NBPF3: variants seen among roughly 807,000 people sequenced by gnomAD.
NBPF3 encodes NBPF family member NBPF3.
In NBPF3, 57 loss-of-function variants were observed where a neutral mutation model predicts 78.1. The observed-to-expected ratio is 0.73, with a 90% CI of 0.59 to 0.91. The LOEUF (loss-of-function observed/expected upper bound fraction) is 0.91, where lower values mean the gene tolerates loss of function less well. NBPF3 is among the 40% of genes least tolerant of loss of function. The probability of loss-of-function intolerance (pLI) is 0.00; values close to 1 mark genes in which losing one functional copy is unlikely to be tolerated. For missense variants in NBPF3, 510 were observed against 715.3 expected (o/e 0.71, Z 3.27); for synonymous variants, 182 against 271.7 (o/e 0.67, Z 3.25).
At chr1:21,478,332 T>C (rs1642996085) in intron 9 of NBPF3, 25 bp downstream of exon 9, 1 of 1,609,428 alleles carries the variant, frequency 6.2e-7, no homozygotes, top group Non-Finnish European at 8.5e-7. Context: ...TTGAAGGTGA[T>C]AAAGCTCCAG....
chr1:21,471,845 C>A, intron 5 of NBPF3, 62 bp downstream of exon 5: 1 of 1,579,232 alleles, frequency 6.3e-7, no homozygotes, highest in Non-Finnish European at 8.7e-7. Context: ...TTCAGACCTC[C>A]ATACTTTCAC....
chr1:21,465,752 C>T (rs1435129513), intron 2 of NBPF3, among the ~76,000 whole-genome samples: 1 of 152,200 alleles, frequency 6.6e-6, no homozygotes, highest in East Asian at 1.9e-4. Context: ...GCCAATCTTT[C>T]CTAAGCTGCT....
In NBPF3 at chr1:21,468,342, G is replaced by A. The variant is rs1443394668; in HGVS notation, c.134-346G>A. On this transcript the variant is annotated intron_variant, in intron 2 of 14. Transcript: ENST00000318249. The stretch of plus-strand genomic sequence containing the variant: ...ATTGGTGGTGACCCTCAGGTGAGAC[G>A]AGGGTGCCTGTGTTTCAGCAAAGCC... 56 of 1,175,568 alleles carry A rather than the reference G, an allele frequency of 4.8e-5. 2 individuals are homozygous for A. In the East Asian group the frequency reaches 2.2e-3, roughly 47 times the overall value. 72.8% of individuals were successfully genotyped at this position (1,175,568 alleles called of 1,614,324 possible).
intron 2 of NBPF3, chr1:21,468,330 C>T (rs1217122551): frequency 8.2e-6 from 9 of 1,097,858 alleles, no homozygotes; most frequent in Non-Finnish European, 9.2e-6. Flanking sequence ...GGTGGTGACC[C>T]TCAGGTGAGA....
chr1:21,457,384 A>ATATATATGTATGTG (rs1324267919), intron 2 of NBPF3, among the ~76,000 whole-genome samples: 1 of 149,734 alleles, frequency 6.7e-6, no homozygotes, highest in Non-Finnish European at 1.5e-5. Context: ...ATATGTATGT[A>ATATATATGTATGTG]TATATATGTA....
rs1006738685 is a variant in NBPF3 at position 21,476,626 on chromosome 1, G to C, written c.993-1518G>C. On this transcript the variant is annotated intron_variant, in intron 8 of 14. Coordinates refer to ENST00000318249, the MANE Select transcript of NBPF3 (RefSeq NM_032264.6). The surrounding 1 kb of genome is among the most constrained non-coding windows in gnomAD (Gnocchi z 4.1). ...GGCCTCCACTCTCTTCTGGCTTGTA[G>C]GGTTTCTGCAGAGAGATCCACTGTT... Among the ~76,000 whole-genome samples, 2 of 152,192 alleles carry C rather than the reference G, an allele frequency of 1.3e-5. No homozygotes were observed. Among genetic ancestry groups the C allele is most frequent in the Non-Finnish European group, 2.9e-5 (2 of 68,026 alleles).
Position 21,483,109 on chromosome 1 carries a change from C to G in NBPF3, c.1659-34C>G, listed in dbSNP as rs375027727. The G allele has an allele frequency of 4.3e-6, 7 of 1,612,300 alleles. No homozygotes were observed. In the African/African-American group the frequency reaches 9.4e-5, roughly 22 times the overall value. Reference sequence around the variant, plus strand: ...GGGGCTCTGTGGTGTCTGATTTTCCCTGGCTGCTTCTTTAGTTTTGTCTCC... The same window carrying G: ...GGGGCTCTGTGGTGTCTGATTTTCCGTGGCTGCTTCTTTAGTTTTGTCTCC... On this transcript the variant is annotated intron_variant, in intron 14 of 14. Transcript: ENST00000318249.
intron 10 of NBPF3, 139 bp from the exon 11 acceptor site, chr1:21,479,912 A>G: frequency 1.4e-6 from 1 of 706,888 alleles, no homozygotes; most frequent in South Asian, 1.5e-5. Flanking sequence ...CCCAACATGA[A>G]GGCAATAATT....
At chr1:21,481,551 T>C in intron 12 of NBPF3, 46 bp from the exon 13 acceptor site, 1 of 1,596,324 alleles carries the variant, frequency 6.3e-7, no homozygotes, top group South Asian at 1.1e-5. Context: ...GGCTCTGTGG[T>C]GTCTGATTTC....
intron 1 of NBPF3, among the ~76,000 whole-genome samples, chr1:21,443,615 A>T (rs1456448300): frequency 6.8e-6 from 1 of 147,180 alleles, no homozygotes; most frequent in Non-Finnish European, 1.5e-5. Flanking sequence ...ACATAGAATA[A>T]TTTTTTTTTT....
chr1:21,479,327 C>T lies in NBPF3; in HGVS notation c.1157-22C>T, dbSNP rs769100673. 78 of 1,608,806 alleles carry T rather than the reference C, an allele frequency of 4.8e-5. 1 individual carries two copies. The Admixed American group carries it at 1.3e-3, about 26-fold the overall frequency. Reference sequence around the variant, plus strand: ...AGGAAGAACTGCTTCATGTAAGAGGCCCTGTCTGAATTTATTTGCAGGACA... The same window carrying T: ...AGGAAGAACTGCTTCATGTAAGAGGTCCTGTCTGAATTTATTTGCAGGACA... On this transcript the variant is annotated intron_variant, in intron 9 of 14. Transcript: ENST00000318249.
intron 2 of NBPF3, among the ~76,000 whole-genome samples, chr1:21,455,702 G>A (rs1350819623): frequency 6.6e-6 from 1 of 152,176 alleles, no homozygotes; most frequent in Admixed American, 6.5e-5. Flanking sequence ...TGCAGGGCAG[G>A]GCACCAATGA....
chr1:21,468,472 T>C, intron 2 of NBPF3: 1 of 1,430,736 alleles, frequency 7.0e-7, no homozygotes, highest in Non-Finnish European at 9.1e-7. Flanking sequence ...CTCACTCTTG[T>C]CGGAGACTGA....
intron 2 of NBPF3, chr1:21,468,444 G>A (rs1189790084): frequency 3.4e-5 from 48 of 1,395,136 alleles, no homozygotes; most frequent in East Asian, 1.1e-4. Context: ...ACTGCAGACC[G>A]TTACCTGGCA....
At chr1:21,468,549 T>A (rs1642403113) in intron 2 of NBPF3, 139 bp from the exon 3 acceptor site, 3 of 1,534,952 alleles carry the variant, frequency 2.0e-6, no homozygotes, top group Non-Finnish European at 2.6e-6. Context: ...TTAAGGATCC[T>A]AAAGTGCTGC....
rs188792635 is a variant in NBPF3, at chr1:21,475,771, G to A, written c.992+820G>A. On this transcript the variant is annotated intron_variant, in intron 8 of 14. Transcript: ENST00000318249. ...TCTGTTGGTTTGGGGTGGAGAGTTC[G>A]TAGATGTCTATTAGGTCTGCTTGGT... 1.1e-3 allele frequency among the ~76,000 whole-genome samples: 165 copies of A among 152,232 alleles called. No homozygotes were observed. In the Middle Eastern group the frequency reaches 0.02, roughly 19 times the overall value.
chr1:21,448,631 C>T (rs1390669556), intron 2 of NBPF3, among the ~76,000 whole-genome samples: 2 of 152,170 alleles, frequency 1.3e-5, no homozygotes, highest in African/African-American at 4.8e-5. Context: ...TGTAGTAAAA[C>T]TTGGAAACGT....
intron 3 of NBPF3, among the ~76,000 whole-genome samples, chr1:21,470,022 A>ACG (rs896940912): frequency 2.9e-5 from 2 of 69,146 alleles, no homozygotes; most frequent in Non-Finnish European, 7.4e-5. Context: ...CACAGAGTTA[A>ACG]CACTCTGTTA....
At chr1:21,456,903 T>C (rs1641634401) in intron 2 of NBPF3, among the ~76,000 whole-genome samples, 2 of 152,202 alleles carry the variant, frequency 1.3e-5, no homozygotes, top group Non-Finnish European at 2.9e-5. Flanking sequence ...ATTGAAAAGA[T>C]TGAAAAGAAA....
Sources: gnomAD v4.1 joint callset for allele counts (sites outside exome capture counted in the v4.1 genomes callset) on GRCh38, gnomAD v4.1.1 for gene constraint, Gnocchi (gnomAD v3.1) non-coding constraint, MANE v1.5 for transcripts, NCBI Gene and HGNC (gene_info 2026-07-23, HGNC 2026-07-21) for gene names.